PLA2G4C: variants seen among roughly 807,000 people sequenced by gnomAD.
The protein encoded by PLA2G4C is cytosolic phospholipase A2 gamma.
Under a neutral mutation model 73.8 loss-of-function variants are expected in PLA2G4C, and 64 were observed. That is an observed-to-expected ratio of 0.87 (90% CI 0.71 to 1.07). PLA2G4C has a LOEUF of 1.07. Among genes scored for constraint, PLA2G4C ranks in the 50% least tolerant of loss-of-function variants. PLA2G4C has a pLI of 0.00. For missense variants in PLA2G4C, 622 were observed against 665.4 expected (o/e 0.93, Z 0.72); for synonymous variants, 254 against 252.1 (o/e 1.01, Z -0.07).
intron 13 of PLA2G4C, among the ~76,000 whole-genome samples, chr19:48,067,578 TGG>T (rs1968482458): frequency 6.6e-6 from 1 of 152,156 alleles, no homozygotes; most frequent in Non-Finnish European, 1.5e-5. Flanking sequence ...TCACGATGAC[TGG>T]GACTCGCAGC....
chr19:48,051,558 AG>A (rs1967725719), intron 16 of PLA2G4C, among the ~76,000 whole-genome samples: 1 of 78,710 alleles, frequency 1.3e-5, no homozygotes. Context: ...AGGAGAGATG[AG>A]AGAGAGAGAT....
intron 1 of PLA2G4C, 123 bp from the exon 2 acceptor site, chr19:48,106,684 A>G: frequency 2.8e-6 from 2 of 712,354 alleles, no homozygotes; most frequent in African/African-American, 1.7e-5. Flanking sequence ...GACAAAACCA[A>G]TGCGAACAGC....
intron 4 of PLA2G4C, among the ~76,000 whole-genome samples, chr19:48,103,703 A>G (rs1178346226): frequency 6.6e-6 from 1 of 152,206 alleles, no homozygotes; most frequent in Non-Finnish European, 1.5e-5. Flanking sequence ...ACTTTATCAT[A>G]GAGGCTGATA....
chr19:48,075,052 TCTGA>T (rs2030047414), intron 11 of PLA2G4C, among the ~76,000 whole-genome samples, 178 bp from the exon 12 acceptor site: 1 of 152,050 alleles, frequency 6.6e-6, no homozygotes, highest in Non-Finnish European at 1.5e-5. Context: ...CCTCACTCTC[TCTGA>T]CTTTCTGGCC....
chr19:48,062,174 A>G, intron 13 of PLA2G4C, 22 bp from the exon 14 acceptor site: 1 of 1,530,582 alleles, frequency 6.5e-7, no homozygotes, highest in South Asian at 1.3e-5. Flanking sequence ...AGGAAGAAAG[A>G]GGATCAGCTG....
intron 14 of PLA2G4C, among the ~76,000 whole-genome samples, chr19:48,055,389 G>GTGTA (rs1555741561): frequency 7.5e-6 from 1 of 132,586 alleles, no homozygotes; most frequent in Non-Finnish European, 1.5e-5. Context: ...CATCTCTACA[G>GTGTA]TATATATATA....
At chr19:48,069,405 C>T (rs1269145532) in intron 12 of PLA2G4C, among the ~76,000 whole-genome samples, 1 of 152,164 alleles carries the variant, frequency 6.6e-6, no homozygotes, top group East Asian at 1.9e-4. Flanking sequence ...CCTTCCCCAG[C>T]CCAAGAGGCT....
At chr19:48,106,800 G>T in intron 1 of PLA2G4C, 2 of 547,194 alleles carry the variant, frequency 3.7e-6, no homozygotes, top group Non-Finnish European at 6.5e-6. Flanking sequence ...GGAGGCTAGG[G>T]TTTTTCCTCG....
rs1431551739 is a variant in PLA2G4C, at chr19:48,099,879, G to C, written c.258-19C>G. On this transcript the variant is annotated intron_variant, in intron 4 of 16. Transcript: ENST00000599921. Reference sequence around the variant, plus strand: ...TATTGCCCTGGAGGACAGAGGAAGAGAGTGAGTTGGGCATTTTAAGTGTGG... The same window carrying C: ...TATTGCCCTGGAGGACAGAGGAAGACAGTGAGTTGGGCATTTTAAGTGTGG... 6.3e-7 allele frequency: 1 copy of C among 1,576,946 alleles called. No individual in the cohort carries two copies. The highest frequency in any genetic ancestry group is 2.2e-5 in the East Asian group (1 of 44,582).
rs11564620 is a variant in PLA2G4C at position 48,067,815 on chromosome 19, T to A, written c.1078A>T (p.Thr360Ser). 3.7e-6 allele frequency: 6 copies of A among 1,611,574 alleles called. No homozygotes were observed. The South Asian group carries it at 6.6e-5, about 18-fold the overall frequency. ...CCGTGTTTGTACAGGAAGTTGTGAGTGGTCCCCCATTCCCACTTTGAAGCG... is the reference window on the plus strand; with the variant it reads ...CCGTGTTTGTACAGGAAGTTGTGAGAGGTCCCCCATTCCCACTTTGAAGCG... ...ICASKWEWGTTHNFLYKHGGI... is the reference protein window; with the variant it reads ...ICASKWEWGTSHNFLYKHGGI... The change falls in exon 13 of 17, where the codon ACT (threonine) becomes TCT (serine). Residue 360 changes from threonine (T) to serine (S), a missense_variant. Transcript: ENST00000599921.
intron 2 of PLA2G4C, among the ~76,000 whole-genome samples, chr19:48,105,933 C>CTTTCTTTCTTT (rs1568457550): frequency 2.3e-4 from 3 of 12,878 alleles, no homozygotes; most frequent in Non-Finnish European, 1.2e-4. Context: ...CTCCCTCCCT[C>CTTTCTTTCTTT]CCTCCCTCCC....
At position 48,104,576 on chromosome 19, in the gene PLA2G4C, A is replaced by G; in HGVS notation, c.257+12T>C. 1.9e-6 allele frequency: 3 copies of G among 1,613,140 alleles called. No individual in the cohort carries two copies. Among genetic ancestry groups the G allele is most frequent in the Non-Finnish European group, 2.5e-6 (3 of 1,179,406 alleles). ...GTGTCAGAAAGCAATCTGAAACATG[A>G]GTGATGCTTACCAAGTGGATCCAGA... On this transcript the variant is annotated intron_variant, in intron 4 of 16. Transcript: ENST00000599921.
chr19:48,066,584 C>A (rs1275462369), intron 13 of PLA2G4C, among the ~76,000 whole-genome samples: 1 of 151,810 alleles, frequency 6.6e-6, no homozygotes, highest in Admixed American at 6.6e-5. Flanking sequence ...TGGAATTCAC[C>A]CCCCTGGAAG....
In PLA2G4C at chr19:48,074,267, G is replaced by C. The variant is rs567674712; in HGVS notation, c.1006+500C>G. On this transcript the variant is annotated intron_variant, in intron 12 of 16. Coordinates refer to ENST00000599921, the MANE Select transcript of PLA2G4C (RefSeq NM_003706.3). ...TTCTGTTCCTGCAATAGTTTGCTGA[G>C]GATAATGACTTCCAGCTCCACCCAT... 5.5e-4 allele frequency among the ~76,000 whole-genome samples: 84 copies of C among 152,254 alleles called. 2 individuals are homozygous for C. In the South Asian group the frequency reaches 0.017, roughly 30 times the overall value.
At chr19:48,048,594 G>A (rs371666906) in intron 16 of PLA2G4C, among the ~76,000 whole-genome samples, 13 of 152,262 alleles carry the variant, frequency 8.5e-5, no homozygotes, top group Admixed American at 2.6e-4. Flanking sequence ...CCACGTAAAC[G>A]TTTATTTATC....
chr19:48,079,412 A>C (rs1207896850), intron 10 of PLA2G4C, among the ~76,000 whole-genome samples: 3 of 152,154 alleles, frequency 2.0e-5, no homozygotes, highest in Non-Finnish European at 4.4e-5. Flanking sequence ...CAAAAACATA[A>C]AGTGGGGGAA....
At chr19:48,103,925 A>G (rs1328582015) in intron 4 of PLA2G4C, 1 of 151,696 alleles carries the variant, frequency 6.6e-6, no homozygotes, top group Non-Finnish European at 1.5e-5. Context: ...TTTTTTTTTG[A>G]GACAGGGTCT....
chr19:48,085,848 C>A (rs1340827653), intron 9 of PLA2G4C, among the ~76,000 whole-genome samples: 1 of 152,134 alleles, frequency 6.6e-6, no homozygotes, highest in Non-Finnish European at 1.5e-5. Context: ...AGGCCTTAAC[C>A]CTATTCAGTG....
intron 12 of PLA2G4C, among the ~76,000 whole-genome samples, chr19:48,074,245 T>C (rs1283365599): frequency 6.6e-6 from 1 of 152,188 alleles, no homozygotes; most frequent in Non-Finnish European, 1.5e-5. Flanking sequence ...TTTGGTTTTC[T>C]GTTCCTGCAA....
Sources: allele counts gnomAD v4.1 joint callset (sites outside exome capture counted in the v4.1 genomes callset), GRCh38; gene constraint gnomAD v4.1.1; transcripts MANE v1.5; gene names NCBI Gene and HGNC (gene_info 2026-07-23, HGNC 2026-07-21).